MCC: variants seen among roughly 807,000 people sequenced by gnomAD.
The protein encoded by MCC is MCC regulator of Wnt signaling pathway, also known as colorectal mutant cancer protein.
MCC carries 90 observed loss-of-function variants against 116.2 expected under a neutral mutation model. That is an observed-to-expected ratio of 0.77 (90% CI 0.65 to 0.92). The LOEUF (loss-of-function observed/expected upper bound fraction) is 0.92, where lower values mean the gene tolerates loss of function less well. MCC is among the 40% of genes least tolerant of loss of function. The pLI is 0.00. For missense variants in MCC, 1,516 were observed against 1,312.2 expected, an observed-to-expected ratio of 1.16 and a Z score of -2.40; for synonymous variants, 578 against 510.5, an observed-to-expected ratio of 1.13 and a Z score of -1.78.
intron 14 of MCC, among the ~76,000 whole-genome samples, chr5:113,059,094 C>G (rs1196665595): frequency 2.0e-5 from 3 of 151,320 alleles, no homozygotes; most frequent in Non-Finnish European, 4.4e-5. Context: ...GCAGGGAAGG[C>G]TTTTGTTTCA....
chr5:113,066,297 CTTTAA>C (rs764556119), intron 13 of MCC, among the ~76,000 whole-genome samples: 5 of 152,064 alleles, frequency 3.3e-5, no homozygotes, highest in East Asian at 1.9e-4. Context: ...TGACTTTTTC[CTTTAA>C]TTTATCATTT....
chr5:113,393,268 A>G (rs1769445573), intron 1 of MCC, among the ~76,000 whole-genome samples: 1 of 152,090 alleles, frequency 6.6e-6, no homozygotes, highest in South Asian at 2.1e-4. Context: ...TGTTAATTAC[A>G]TACTCTGTAA....
intron 4 of MCC, 26 bp from the exon 5 acceptor site, chr5:113,143,386 G>T (rs758719587): frequency 6.2e-7 from 1 of 1,612,886 alleles, no homozygotes; most frequent in East Asian, 2.2e-5. Flanking sequence ...AAGGACAGAA[G>T]TGCTGATGAA....
intron 3 of MCC, among the ~76,000 whole-genome samples, chr5:113,218,380 A>G (rs950295085): frequency 1.3e-5 from 2 of 152,120 alleles, no homozygotes; most frequent in South Asian, 2.1e-4. Flanking sequence ...AATGTCAGGC[A>G]AGGGTAAAGG....
At chr5:113,379,503 C>T (rs1353044055) in intron 2 of MCC, among the ~76,000 whole-genome samples, 2 of 152,146 alleles carry the variant, frequency 1.3e-5, no homozygotes, top group African/African-American at 4.8e-5. Context: ...AAGCTCAGAA[C>T]AATCAGGAAC....
At chr5:113,297,098 G>A (rs968852639) in intron 3 of MCC, among the ~76,000 whole-genome samples, 1 of 152,208 alleles carries the variant, frequency 6.6e-6, no homozygotes, top group Non-Finnish European at 1.5e-5. Flanking sequence ...CTTCACATAA[G>A]ATTCAACTCC....
At chr5:113,313,217 C>A (rs922650055) in intron 3 of MCC, among the ~76,000 whole-genome samples, 4 of 151,762 alleles carry the variant, frequency 2.6e-5, no homozygotes, top group Admixed American at 1.3e-4. Flanking sequence ...TGTGGTGGTG[C>A]GCACCTATAA....
chr5:113,189,179 G>A (rs561281919), intron 3 of MCC, among the ~76,000 whole-genome samples: 2 of 152,250 alleles, frequency 1.3e-5, no homozygotes, highest in African/African-American at 4.8e-5. Context: ...AGTGACAGCG[G>A]CTGCCCTCAC....
chr5:113,351,535 A>G (rs991011534), intron 2 of MCC, among the ~76,000 whole-genome samples: 1 of 152,142 alleles, frequency 6.6e-6, no homozygotes, highest in African/African-American at 2.4e-5. Context: ...TGGTTACCAG[A>G]AGCTGGAAAG....
At chr5:113,118,534 A>G (rs1228003518) in intron 6 of MCC, among the ~76,000 whole-genome samples, 1 of 152,224 alleles carries the variant, frequency 6.6e-6, no homozygotes, top group African/African-American at 2.4e-5. Flanking sequence ...TATGAAAACA[A>G]AAGAAAAGTG....
At chr5:113,186,417 G>C (rs1385467858) in intron 3 of MCC, among the ~76,000 whole-genome samples, 1 of 152,090 alleles carries the variant, frequency 6.6e-6, no homozygotes, top group African/African-American at 2.4e-5. Flanking sequence ...CCCAAGGCCC[G>C]CAGCAGCCAT....
chr5:113,034,465 G>A (rs575606439), intron 17 of MCC, among the ~76,000 whole-genome samples: 1 of 150,036 alleles, frequency 6.7e-6, no homozygotes, highest in Non-Finnish European at 1.5e-5. Context: ...TCTGTGATTA[G>A]AGTCCAATTG....
chr5:113,314,768 A>T (rs1190450699), intron 3 of MCC, among the ~76,000 whole-genome samples: 4 of 152,066 alleles, frequency 2.6e-5, no homozygotes, highest in African/African-American at 9.7e-5. Context: ...TTGTATTTTT[A>T]GTAGAGACAG....
At chr5:113,475,081 C>A (rs895165057) in intron 1 of MCC, among the ~76,000 whole-genome samples, 4 of 152,182 alleles carry the variant, frequency 2.6e-5, no homozygotes, top group African/African-American at 9.7e-5. Flanking sequence ...TTTCTCACTT[C>A]CTTCATTTAT....
chr5:113,167,367 T>C (rs982275714), intron 3 of MCC, among the ~76,000 whole-genome samples: 2 of 152,220 alleles, frequency 1.3e-5, no homozygotes, highest in African/African-American at 4.8e-5. Context: ...TGCTTCAGCC[T>C]GGGAGCTATG....
chr5:113,413,835 A>G lies in MCC; in HGVS notation c.171-28623T>C, dbSNP rs192697664. Among the ~76,000 whole-genome samples the G allele has an allele frequency of 6.7e-3, 1,016 of 151,968 alleles. 5 individuals carry two copies. Among genetic ancestry groups the G allele is most frequent in the Middle Eastern group, 0.014 (4 of 294 alleles). On this transcript the variant is annotated intron_variant, in intron 1 of 18. Coordinates refer to ENST00000408903, the MANE Select transcript of MCC (RefSeq NM_001085377.2). ...CTAGCTTTTGAATTTGTTTGTTCTT[A>G]CTTCTCTAGTTCTTTTAATTGTGAT...
chr5:113,287,723 T>C (rs1766319365), intron 3 of MCC, among the ~76,000 whole-genome samples: 1 of 152,190 alleles, frequency 6.6e-6, no homozygotes. Context: ...ATTGGGTAAA[T>C]CAGCTAGGCA....
intron 13 of MCC, among the ~76,000 whole-genome samples, chr5:113,066,648 G>A (rs1312038054): frequency 6.6e-6 from 1 of 152,204 alleles, no homozygotes; most frequent in African/African-American, 2.4e-5. Context: ...ACTGAAGGAG[G>A]AAACACATGT....
intron 3 of MCC, among the ~76,000 whole-genome samples, chr5:113,278,168 AC>A (rs751982901): frequency 7.3e-4 from 111 of 152,148 alleles, no homozygotes; most frequent in Non-Finnish European, 1.4e-3. Flanking sequence ...CAGGAATCAA[AC>A]CCTAATTGAA....
Sources: allele counts gnomAD v4.1 joint callset (sites outside exome capture counted in the v4.1 genomes callset), GRCh38; gene constraint gnomAD v4.1.1; transcripts MANE v1.5; gene names NCBI Gene and HGNC (gene_info 2026-07-23, HGNC 2026-07-21).